The following MSRA variants were observed in gnomAD, a reference collection of about 807,000 sequenced individuals.
MSRA encodes the protein methionine sulfoxide reductase A.
MSRA carries 54 observed loss-of-function variants against 31.3 expected under a neutral mutation model. The observed-to-expected ratio is 1.73, with a 90% CI of 1.39 to 2.17. The LOEUF (loss-of-function observed/expected upper bound fraction) is 2.17, where lower values mean the gene tolerates loss of function less well. MSRA is among the 30% of genes most tolerant of loss of function. The probability of loss-of-function intolerance (pLI) is 0.00; values close to 1 mark genes in which losing one functional copy is unlikely to be tolerated. For synonymous variants in MSRA, 169 were observed against 116.5 expected (o/e 1.45, Z -2.90); for missense variants, 507 against 300.9 (o/e 1.69, Z -5.07).
intron 5 of MSRA, among the ~76,000 whole-genome samples, chr8:10,392,488 AGCT>A (rs796277460): frequency 4.2e-4 from 64 of 152,150 alleles, no homozygotes; most frequent in African/African-American, 1.4e-3. Flanking sequence ...TCCTGCCCAG[AGCT>A]GCTCCTTCCG....
intron 1 of MSRA, among the ~76,000 whole-genome samples, chr8:10,177,280 T>C (rs916461267): frequency 1.3e-5 from 2 of 152,188 alleles, no homozygotes; most frequent in African/African-American, 2.4e-5. Context: ...TTATTTCCCA[T>C]AGTTCTAAAT....
chr8:10,222,868 T>C (rs191604685), intron 2 of MSRA, among the ~76,000 whole-genome samples: 19 of 152,302 alleles, frequency 1.2e-4, no homozygotes, highest in Admixed American at 1.2e-3. Context: ...AAGTTTCAAT[T>C]GGACCTGAAG....
intron 1 of MSRA, among the ~76,000 whole-genome samples, chr8:10,147,333 G>C (rs1803234060): frequency 6.6e-6 from 1 of 152,160 alleles, no homozygotes; most frequent in Non-Finnish European, 1.5e-5. Context: ...ACCGAGCCTA[G>C]GGAGTGTGGA....
intron 2 of MSRA, among the ~76,000 whole-genome samples, chr8:10,213,698 G>C (rs1388716649): frequency 1.3e-5 from 2 of 151,518 alleles, no homozygotes; most frequent in Non-Finnish European, 2.9e-5. Flanking sequence ...GGCCTCCCCA[G>C]GTACCACATT....
chr8:10,416,284 G>C (rs1808453770), intron 5 of MSRA, among the ~76,000 whole-genome samples: 1 of 152,236 alleles, frequency 6.6e-6, no homozygotes, highest in Non-Finnish European at 1.5e-5. Flanking sequence ...TTCATGAAGT[G>C]AAGTTGGAGA....
chr8:10,371,083 C>T (rs1805448352), intron 5 of MSRA, among the ~76,000 whole-genome samples: 5 of 152,182 alleles, frequency 3.3e-5, no homozygotes, highest in Admixed American at 3.3e-4. Context: ...CCCACTGCAC[C>T]CCTGCCGCAA....
At chr8:10,386,918 T>C (rs921653854) in intron 5 of MSRA, among the ~76,000 whole-genome samples, 35 of 145,670 alleles carry the variant, frequency 2.4e-4, no homozygotes, top group African/African-American at 8.6e-4. Context: ...TTCAGAAAAA[T>C]TAGCCCCAAA....
At chr8:10,374,226 A>C (rs1205953110) in intron 5 of MSRA, among the ~76,000 whole-genome samples, 1 of 152,198 alleles carries the variant, frequency 6.6e-6, no homozygotes, top group Non-Finnish European at 1.5e-5. Flanking sequence ...TACAGAAGTA[A>C]ACTTACAGAA....
At chr8:10,196,454 C>G (rs1024002366) in intron 1 of MSRA, among the ~76,000 whole-genome samples, 5 of 151,886 alleles carry the variant, frequency 3.3e-5, no homozygotes, top group Non-Finnish European at 5.9e-5. Context: ...TGGACAGATG[C>G]TGGGGAGGAA....
chr8:10,293,013 G>C (rs1332967405), intron 3 of MSRA, among the ~76,000 whole-genome samples: 2 of 152,196 alleles, frequency 1.3e-5, no homozygotes, highest in African/African-American at 2.4e-5. Flanking sequence ...AGGAGGGCTT[G>C]TTGGCCTCTG....
At chr8:10,223,833 A>G (rs1810740848) in intron 2 of MSRA, among the ~76,000 whole-genome samples, 1 of 152,144 alleles carries the variant, frequency 6.6e-6, no homozygotes, top group Non-Finnish European at 1.5e-5. Flanking sequence ...ATGGGTATAA[A>G]ACGTGAAGAC....
At chr8:10,424,675 G>A (rs1208769847) in intron 5 of MSRA, among the ~76,000 whole-genome samples, 3 of 152,176 alleles carry the variant, frequency 2.0e-5, no homozygotes, top group Non-Finnish European at 4.4e-5. Context: ...AGAAGGGCCC[G>A]GGGTGGGTTG....
intron 5 of MSRA, among the ~76,000 whole-genome samples, chr8:10,410,334 C>T (rs780393211): frequency 6.6e-6 from 1 of 152,142 alleles, no homozygotes; most frequent in Non-Finnish European, 1.5e-5. Flanking sequence ...TGGGGGGTGC[C>T]GGTGGAGGAC....
In MSRA at chr8:10,254,248, C is replaced by T. The variant is rs370243135; in HGVS notation, c.331+9025C>T. Among the ~76,000 whole-genome samples the T allele has an allele frequency of 1.2e-4, 19 of 152,260 alleles. No homozygotes were observed. The East Asian group carries it at 3.1e-3, about 25-fold the overall frequency. The stretch of plus-strand genomic sequence containing the variant: ...ACTGGAGCGTTCTGATGAGGGTGAC[C>T]ACCTACCCACAACGTGTTTTGAACT... On this transcript the variant is annotated intron_variant, in intron 3 of 5. Transcript: ENST00000317173.
intron 3 of MSRA, among the ~76,000 whole-genome samples, chr8:10,263,313 C>T (rs1798576103): frequency 6.6e-6 from 1 of 152,158 alleles, no homozygotes; most frequent in African/African-American, 2.4e-5. Flanking sequence ...TTTGATTTAT[C>T]CTTCATCACC....
intron 1 of MSRA, among the ~76,000 whole-genome samples, chr8:10,163,939 C>T (rs1226462915): frequency 1.3e-5 from 2 of 152,236 alleles, no homozygotes; most frequent in Non-Finnish European, 2.9e-5. Flanking sequence ...ACCAGCCTTT[C>T]TGTCTCCATA....
At chr8:10,247,894 G>C (rs1276465295) in intron 3 of MSRA, among the ~76,000 whole-genome samples, 7 of 152,148 alleles carry the variant, frequency 4.6e-5, no homozygotes, top group Non-Finnish European at 1.0e-4. Flanking sequence ...GAATAACAGG[G>C]AAGGAGAACA....
At chr8:10,324,530 C>G (rs1585473977) in intron 5 of MSRA, among the ~76,000 whole-genome samples, 1 of 152,142 alleles carries the variant, frequency 6.6e-6, no homozygotes, top group African/African-American at 2.4e-5. Context: ...GCATGAGGGT[C>G]AAGTTTTTTC....
intron 1 of MSRA, among the ~76,000 whole-genome samples, chr8:10,084,542 T>G (rs114931104): frequency 0.022 from 3,394 of 152,298 alleles, 71 homozygotes; most frequent in South Asian, 0.058. Flanking sequence ...ACTACCTGGG[T>G]TTAGTCCCAA....
Sources: gnomAD v4.1 joint callset for allele counts (sites outside exome capture counted in the v4.1 genomes callset) on GRCh38, gnomAD v4.1.1 for gene constraint, MANE v1.5 for transcripts, NCBI Gene and HGNC (gene_info 2026-07-23, HGNC 2026-07-21) for gene names.